DOCK1: variants seen among roughly 807,000 people sequenced by gnomAD.
DOCK1 encodes the protein dedicator of cytokinesis protein 1.
In DOCK1, 138 loss-of-function variants were observed where a neutral mutation model predicts 262.7. The observed-to-expected ratio is 0.53, with a 90% CI of 0.46 to 0.61. The LOEUF is 0.61. Ranked by LOEUF, DOCK1 falls within the 20% of genes least tolerant of loss-of-function variation. The pLI is 0.00. For missense variants in DOCK1, 1,908 were observed against 2,370.7 expected (o/e 0.80, Z 4.05); for synonymous variants, 866 against 867.4 (o/e 1.00, Z 0.03).
chr10:127,207,908 C>T (rs2057795662), intron 27 of DOCK1, among the ~76,000 whole-genome samples: 1 of 152,124 alleles, frequency 6.6e-6, no homozygotes, highest in African/African-American at 2.4e-5. Context: ...ATTTTGATAC[C>T]ATATGTAGAC....
Position 126,986,461 on chromosome 10 carries a change from C to CA in DOCK1, c.228-1059dup, listed in dbSNP as rs555263534. On this transcript the variant is annotated intron_variant, in intron 4 of 51. Coordinates refer to ENST00000623213, the MANE Select transcript of DOCK1 (RefSeq NM_001290223.2). ...AGGACACACAGACAACCTGTGGGGC[C>CA]AGCTAGCCTAACTACACCAGCCACA... 4.6e-5 allele frequency among the ~76,000 whole-genome samples: 7 copies of CA among 152,268 alleles called. No homozygotes were observed. The South Asian group carries it at 1.4e-3, about 32-fold the overall frequency.
chr10:127,068,659 G>A (rs745568825), intron 23 of DOCK1, among the ~76,000 whole-genome samples: 6 of 152,164 alleles, frequency 3.9e-5, no homozygotes, highest in Admixed American at 2.0e-4. Context: ...TACACTGTTA[G>A]CATTTTTGTT....
At chr10:126,940,883 C>T (rs1443991861) in intron 1 of DOCK1, among the ~76,000 whole-genome samples, 4 of 152,252 alleles carry the variant, frequency 2.6e-5, no homozygotes, top group South Asian at 2.1e-4. Context: ...AAATCAAAAG[C>T]GTCTATTGAA....
chr10:127,036,965 G>A lies in DOCK1; in HGVS notation c.1913-754G>A, dbSNP rs549519396. On this transcript the variant is annotated intron_variant, in intron 18 of 51. Coordinates refer to ENST00000623213, the MANE Select transcript of DOCK1 (RefSeq NM_001290223.2). Reference sequence around the variant, plus strand: ...GCACTCCAGCCTGGGCAGCAAGAGCGAAACGCCATCTCAAGGAAAAAAAAA... The same window carrying A: ...GCACTCCAGCCTGGGCAGCAAGAGCAAAACGCCATCTCAAGGAAAAAAAAA... Among the ~76,000 whole-genome samples the A allele has an allele frequency of 1.3e-4, 16 of 120,960 alleles. No homozygotes were observed. The Admixed American group carries it at 1.7e-3, about 12-fold the overall frequency. 79.4% of individuals were successfully genotyped at this position (120,960 alleles called of 152,430 possible).
chr10:127,129,927 C>T (rs918557839), intron 27 of DOCK1, among the ~76,000 whole-genome samples: 5 of 151,960 alleles, frequency 3.3e-5, no homozygotes, highest in Admixed American at 2.6e-4. Context: ...ATGGTTCTGT[C>T]TCTGGTTAGT....
intron 47 of DOCK1, among the ~76,000 whole-genome samples, chr10:127,432,446 A>C (rs1565088351): frequency 1.3e-5 from 2 of 151,984 alleles, no homozygotes; most frequent in African/African-American, 2.4e-5. Flanking sequence ...TGGGGAAGTC[A>C]ACGCCACACA....
At chr10:127,429,654 C>T (rs375468054) in intron 47 of DOCK1, among the ~76,000 whole-genome samples, 39 of 152,360 alleles carry the variant, frequency 2.6e-4, no homozygotes, top group East Asian at 1.9e-3. Flanking sequence ...TGGCTTTCAT[C>T]GTGTTCCCAG....
At chr10:126,965,969 C>T (rs1021335209) in intron 1 of DOCK1, among the ~76,000 whole-genome samples, 2 of 152,160 alleles carry the variant, frequency 1.3e-5, no homozygotes, top group Non-Finnish European at 1.5e-5. Flanking sequence ...CTTAATTCTC[C>T]TATCTAGCTG....
At chr10:127,304,355 C>CT (rs1163379832) in intron 29 of DOCK1, among the ~76,000 whole-genome samples, 1 of 152,092 alleles carries the variant, frequency 6.6e-6, no homozygotes, top group Non-Finnish European at 1.5e-5. Context: ...AAATAAATTC[C>CT]TTTTTTATGG....
intron 27 of DOCK1, among the ~76,000 whole-genome samples, chr10:127,156,564 T>TC: frequency 4.2e-5 from 5 of 119,394 alleles, no homozygotes; most frequent in African/African-American, 1.3e-4. Flanking sequence ...TTCTTCTTCT[T>TC]TTTTTTTTTT....
intron 27 of DOCK1, among the ~76,000 whole-genome samples, chr10:127,190,814 C>T (rs1025502329): frequency 6.6e-6 from 1 of 151,716 alleles, no homozygotes; most frequent in Admixed American, 6.6e-5. Flanking sequence ...AGGTTTTACT[C>T]ATAGCTGCCC....
intron 24 of DOCK1, among the ~76,000 whole-genome samples, chr10:127,109,000 T>A (rs1056943094): frequency 5.9e-5 from 9 of 152,022 alleles, no homozygotes; most frequent in East Asian, 5.8e-4. Flanking sequence ...CAAGTTTTTT[T>A]AAAAAAAATA....
At position 127,409,379 on chromosome 10, in the gene DOCK1, A is replaced by C. The variant is rs1384588200; in HGVS notation, c.4331A>C (p.Glu1444Ala). ...LPPKFHRPVSEQIVSFYRVNE... is the reference protein window; with the variant it reads ...LPPKFHRPVSAQIVSFYRVNE... ...CCTAAGTTTCACAGGCCAGTGTCAG[A>C]GCAGATTGTAAGGTAATAATCCCAT... is the stretch of plus-strand genomic sequence containing the variant. Residue 1444 changes from glutamate (E) to alanine (A), a missense_variant, in exon 42 of 52, where the codon GAG (glutamate) becomes GCG (alanine). Physicochemically the swap from Glu to Ala is moderately radical, Grantham distance 107. Transcript: ENST00000623213. 3 of 1,613,982 alleles carry C rather than the reference A, an allele frequency of 1.9e-6. No homozygotes were observed. In the South Asian group the frequency reaches 3.3e-5, roughly 18 times the overall value.
chr10:127,318,522 C>T (rs557822098), intron 29 of DOCK1, among the ~76,000 whole-genome samples: 7 of 152,328 alleles, frequency 4.6e-5, no homozygotes, highest in Admixed American at 4.6e-4. Flanking sequence ...GGGGGCCCAG[C>T]ACTGGGTTCA....
At chr10:126,988,245 T>A (rs1278420034) in intron 5 of DOCK1, 5 of 152,188 alleles carry the variant, frequency 3.3e-5, no homozygotes, top group African/African-American at 1.2e-4. Context: ...GCACATAAAT[T>A]CATATTTGCA....
chr10:126,948,781 G>C (rs991924257), intron 1 of DOCK1, among the ~76,000 whole-genome samples: 2 of 152,074 alleles, frequency 1.3e-5, no homozygotes, highest in African/African-American at 2.4e-5. Flanking sequence ...ATTGTGAGCT[G>C]CTCTGATCCT....
chr10:127,343,835 C>A, intron 31 of DOCK1, 89 bp downstream of exon 31: 1 of 1,078,884 alleles, frequency 9.3e-7, no homozygotes, highest in Non-Finnish European at 1.3e-6. Context: ...CAACTTGATA[C>A]AAATTGAGAT....
intron 33 of DOCK1, among the ~76,000 whole-genome samples, chr10:127,370,724 G>A (rs554722143): frequency 5.3e-4 from 80 of 152,164 alleles, no homozygotes; most frequent in African/African-American, 1.8e-3. Context: ...CGTCAATATC[G>A]CTTCGAGCAC....
At chr10:127,257,305 C>A in intron 28 of DOCK1, 30 bp from the exon 29 acceptor site, 1 of 1,524,544 alleles carries the variant, frequency 6.6e-7, no homozygotes, top group South Asian at 1.2e-5. Flanking sequence ...TCTTTGTGGG[C>A]CATTTCAGTG....
Sources: gnomAD v4.1 joint callset for allele counts (sites outside exome capture counted in the v4.1 genomes callset) on GRCh38, gnomAD v4.1.1 for gene constraint, MANE v1.5 for transcripts, NCBI Gene and HGNC (gene_info 2026-07-23, HGNC 2026-07-21) for gene names.